CACNG8: variants seen among roughly 807,000 people sequenced by gnomAD.
CACNG8 encodes the protein voltage-dependent calcium channel gamma-8 subunit.
In CACNG8, 5 loss-of-function variants were observed where a neutral mutation model predicts 26.9. The ratio of observed to expected loss-of-function variants is 0.19; its 90% CI spans 0.10 to 0.39. The LOEUF (loss-of-function observed/expected upper bound fraction) is 0.39. CACNG8 is among the 10% of genes least tolerant of loss of function. The probability of loss-of-function intolerance (pLI) is 1.00; values close to 1 mark genes in which losing one functional copy is unlikely to be tolerated. For missense variants in CACNG8, 473 were observed against 609.4 expected, an observed-to-expected ratio of 0.78 and a Z score of 2.36; for synonymous variants, 321 against 296.7, an observed-to-expected ratio of 1.08 and a Z score of -0.84.
At chr19:53,976,202 T>G (rs4806676) in intron 1 of CACNG8, among the ~76,000 whole-genome samples, 137,236 of 152,220 alleles carry the variant, frequency 0.9, 62,115 homozygotes, top group East Asian at 1. Flanking sequence ...GAAAATGCAA[T>G]ATTTAGCTGG....
intron 1 of CACNG8, among the ~76,000 whole-genome samples, chr19:53,974,067 T>C (rs1272699383): frequency 2.0e-5 from 3 of 152,170 alleles, no homozygotes; most frequent in African/African-American, 7.2e-5. Context: ...CCAGAACTCT[T>C]TTCGTCTTGC....
intron 1 of CACNG8, among the ~76,000 whole-genome samples, chr19:53,973,926 T>C (rs921847743): frequency 6.6e-6 from 1 of 152,252 alleles, no homozygotes; most frequent in Non-Finnish European, 1.5e-5. Context: ...GGGAGTTGTA[T>C]ATTCATTCAC....
intron 1 of CACNG8, among the ~76,000 whole-genome samples, chr19:53,970,470 C>A (rs1387366474): frequency 6.8e-6 from 1 of 147,120 alleles, no homozygotes; most frequent in Admixed American, 6.9e-5. Flanking sequence ...ACTAAAAATA[C>A]AAAAATTAGT....
rs1228993571 is a variant in CACNG8, at chr19:53,978,192, C to G, written c.330C>G (p.Asp110Glu). Residue 110 changes from aspartate to glutamate, a missense_variant, in exon 2 of 4, where the codon GAC (aspartate) becomes GAG (glutamate). By Grantham distance (45) the Asp-to-Glu change is conservative. This residue lies in a region of CACNG8 where 155 missense variants were observed against 253.0 expected (regional missense o/e 0.61). Coordinates refer to ENST00000270458, the MANE Select transcript of CACNG8 (RefSeq NM_031895.6). ...TGAAGATCAATCATTTCCCGGAGGA[C>G]ACGGACTACGACCACGACAGCGCGG... The G allele has an allele frequency of 1.2e-6, 2 of 1,613,238 alleles. No individual in the cohort carries two copies. The highest frequency in any genetic ancestry group is 1.7e-6 in the Non-Finnish European group (2 of 1,179,842).
intron 1 of CACNG8, among the ~76,000 whole-genome samples, chr19:53,972,410 G>C (rs2069308172): frequency 7.7e-6 from 1 of 130,598 alleles, no homozygotes; most frequent in South Asian, 2.4e-4. Context: ...CGCCCAGGCT[G>C]GAGTGCAATG....
chr19:53,986,580 A>G lies in CACNG8; in HGVS notation c.*3731A>G, dbSNP rs1192604733. 6.6e-6 allele frequency: 1 copy of G among 152,094 alleles called. No individual in the cohort carries two copies. The highest frequency in any genetic ancestry group is 1.5e-5 in the Non-Finnish European group (1 of 68,040). 9.4% of individuals were successfully genotyped at this position (152,094 alleles called of 1,614,324 possible). A position where few individuals can be genotyped will look rare whatever the true frequency, so the allele number is the denominator to read the frequency against. On this transcript the variant is annotated 3_prime_UTR_variant, in exon 4 of 4. Coordinates refer to ENST00000270458, the MANE Select transcript of CACNG8 (RefSeq NM_031895.6). ...ATGGTGAAACTTCATCTCTACCAAT[A>G]AATAAATAAAGTAGCTGGGTGTGCT...
rs2069383667 is a variant in CACNG8, at chr19:53,982,969, G to GCCCGCCCCACGCCCACCCTC, written c.*129_*148dup. 5.1e-5 allele frequency: 30 copies of GCCCGCCCCACGCCCACCCTC among 589,210 alleles called. No individual in the cohort carries two copies. The South Asian group carries it at 7.1e-4, about 14-fold the overall frequency. The allele number at this position is 589,210 out of a possible 1,614,324, so 36.5% of individuals were successfully genotyped here. On this transcript the variant is annotated 3_prime_UTR_variant, in exon 4 of 4. Coordinates refer to ENST00000270458, the MANE Select transcript of CACNG8 (RefSeq NM_031895.6). The surrounding 1 kb of genome is among the most constrained non-coding windows in gnomAD (Gnocchi z 8.4). ...CCGTGAGCGCGCTGGAGACTGCTGG[G>GCCCGCCCCACGCCCACCCTC]CCCGCCCCACGCCCACCCTCCCCGC... is the stretch of plus-strand genomic sequence containing the variant.
At chr19:53,981,846 G>A (rs1229094474) in intron 3 of CACNG8, among the ~76,000 whole-genome samples, 2 of 152,190 alleles carry the variant, frequency 1.3e-5, no homozygotes, top group Non-Finnish European at 2.9e-5. Flanking sequence ...CCTCTGGGTT[G>A]GAGCTTAGAC....
chr19:53,969,591 G>A (rs2145934251), intron 1 of CACNG8, among the ~76,000 whole-genome samples: 1 of 152,128 alleles, frequency 6.6e-6, no homozygotes, highest in East Asian at 1.9e-4. Flanking sequence ...GGTGTGTCTG[G>A]TTTTCTAGGA....
chr19:53,980,449 C>T (rs1355054877), intron 3 of CACNG8, among the ~76,000 whole-genome samples: 1 of 152,108 alleles, frequency 6.6e-6, no homozygotes, highest in African/African-American at 2.4e-5. Flanking sequence ...GATGAGGAGC[C>T]TGCTTTAAGG....
chr19:53,979,507 G>A (rs541332239), intron 2 of CACNG8, among the ~76,000 whole-genome samples: 129 of 152,102 alleles, frequency 8.5e-4, no homozygotes, highest in Middle Eastern at 6.8e-3. Flanking sequence ...CAGACGAGAG[G>A]AAGGAAGGGA....
At chr19:53,973,975 G>A (rs1354386023) in intron 1 of CACNG8, among the ~76,000 whole-genome samples, 1 of 152,104 alleles carries the variant, frequency 6.6e-6, no homozygotes, top group Non-Finnish European at 1.5e-5. Context: ...TTTGATAATT[G>A]TAGTAAATTA....
chr19:53,975,041 C>T (rs1280762104), intron 1 of CACNG8, among the ~76,000 whole-genome samples: 14 of 142,598 alleles, frequency 9.8e-5, no homozygotes, highest in East Asian at 4.3e-4. Flanking sequence ...CTCCACCTCC[C>T]GGCTTCAAGT....
chr19:53,965,275 T>G (rs2069266110), intron 1 of CACNG8, among the ~76,000 whole-genome samples: 1 of 152,200 alleles, frequency 6.6e-6, no homozygotes, highest in Non-Finnish European at 1.5e-5. Flanking sequence ...TCCGGCTTCT[T>G]CTGAGCTGGC....
chr19:53,980,040 G>A, intron 3 of CACNG8, 33 bp downstream of exon 3: 1 of 1,571,222 alleles, frequency 6.4e-7, no homozygotes, highest in Non-Finnish European at 8.6e-7. Context: ...GACCGGGGCG[G>A]CCCACCTGGG....
rs1183375848 is a variant in CACNG8 at position 53,987,586 on chromosome 19, T to C, written c.*4737T>C. ...TGCATTGGTGGTGAACTGGATGTCATAGAGGAGGGAAGGAAAAGGAACCAG... is the reference window on the plus strand; with the variant it reads ...TGCATTGGTGGTGAACTGGATGTCACAGAGGAGGGAAGGAAAAGGAACCAG... On this transcript the variant is annotated 3_prime_UTR_variant, in exon 4 of 4. Coordinates refer to ENST00000270458, the MANE Select transcript of CACNG8 (RefSeq NM_031895.6). 2.0e-5 allele frequency: 3 copies of C among 148,192 alleles called. No homozygotes were observed. The highest frequency in any genetic ancestry group is 6.9e-5 in the Admixed American group (1 of 14,556). The allele number at this position is 148,192 out of a possible 1,614,324, so 9.2% of individuals were successfully genotyped here.
chr19:53,990,186 T>A lies in CACNG8; in HGVS notation c.*7337T>A, dbSNP rs1005027203. ...AACTGCATGGAAGGTCCCCCAGGGG[T>A]GCCCCGTCTAATAAACTCGATGAAG... On this transcript the variant is annotated 3_prime_UTR_variant, in exon 4 of 4. Coordinates refer to ENST00000270458, the MANE Select transcript of CACNG8 (RefSeq NM_031895.6). 3 of 152,636 alleles carry A rather than the reference T, an allele frequency of 2.0e-5. No homozygotes were observed. Among genetic ancestry groups the A allele is most frequent in the Admixed American group, 6.5e-5 (1 of 15,282 alleles). The allele number at this position is 152,636 out of a possible 1,614,324, so 9.5% of individuals were successfully genotyped here. A position where few individuals can be genotyped will look rare whatever the true frequency, so the allele number is the denominator to read the frequency against.
chr19:53,973,253 G>T (rs1416076901), intron 1 of CACNG8, among the ~76,000 whole-genome samples: 1 of 152,134 alleles, frequency 6.6e-6, no homozygotes, highest in Non-Finnish European at 1.5e-5. Context: ...TGGGCGCGGT[G>T]GCTCATGCCT....
chr19:53,964,874 A>G (rs2069263540), intron 1 of CACNG8, among the ~76,000 whole-genome samples: 1 of 152,180 alleles, frequency 6.6e-6, no homozygotes, highest in African/African-American at 2.4e-5. Flanking sequence ...CTGCAACGTG[A>G]AGGAGTGGAA....
Sources: gnomAD v4.1 joint callset for allele counts (sites outside exome capture counted in the v4.1 genomes callset) on GRCh38, gnomAD v4.1.1 for gene constraint, gnomAD v4.1.1 regional missense constraint, Gnocchi (gnomAD v3.1) non-coding constraint, MANE v1.5 for transcripts, NCBI Gene and HGNC (gene_info 2026-07-23, HGNC 2026-07-21) for gene names.